The following ANKDD1A variants were observed in gnomAD, a reference collection of about 807,000 sequenced individuals.
The protein encoded by ANKDD1A is ankyrin repeat and death domain containing 1A.
ANKDD1A carries 59 observed loss-of-function variants against 63.5 expected under a neutral mutation model. The ratio of observed to expected loss-of-function variants is 0.93; its 90% CI spans 0.75 to 1.15. The LOEUF is 1.15. Among genes scored for constraint, ANKDD1A ranks in the 50% most tolerant of loss-of-function variants. The pLI is 0.00. For synonymous variants in ANKDD1A, 266 were observed against 263.9 expected, an observed-to-expected ratio of 1.01 and a Z score of -0.08; for missense variants, 632 against 656.4, an observed-to-expected ratio of 0.96 and a Z score of 0.41.
chr15:64,957,012 T>G lies in ANKDD1A; in HGVS notation c.1484-91T>G, dbSNP rs16948431. ...TAACATATATGTTGCGAGCTAAATG[T>G]ATGCTCTTACTCTAAATCTTTCTGA... On this transcript the variant is annotated intron_variant, in intron 14 of 14. Coordinates refer to ENST00000319580, the MANE Select transcript of ANKDD1A (RefSeq NM_182703.6). 0.021 allele frequency: 9,207 copies of G among 430,480 alleles called. 443 individuals carry two copies. The East Asian group carries it at 0.23, about 11-fold the overall frequency. 26.7% of individuals were successfully genotyped at this position (430,480 alleles called of 1,614,324 possible).
intron 14 of ANKDD1A, among the ~76,000 whole-genome samples, chr15:64,951,907 C>T (rs1442909170): frequency 1.6e-4 from 22 of 134,614 alleles, no homozygotes; most frequent in Non-Finnish European, 3.0e-4. Flanking sequence ...CTTTTCTCTT[C>T]GTCCTCTTGT....
intron 3 of ANKDD1A, 72 bp downstream of exon 3, chr15:64,917,586 G>C (rs2084978700): frequency 6.7e-7 from 1 of 1,502,694 alleles, no homozygotes; most frequent in Non-Finnish European, 9.0e-7. Flanking sequence ...CTATGAGCCA[G>C]TTGCCGAGAT....
At chr15:64,913,611 A>C (rs1018070454) in intron 1 of ANKDD1A, among the ~76,000 whole-genome samples, 14 of 151,984 alleles carry the variant, frequency 9.2e-5, no homozygotes, top group African/African-American at 3.4e-4. Flanking sequence ...CAGGGTAGCA[A>C]CTCTGAGATC....
chr15:64,934,086 T>C lies in ANKDD1A; in HGVS notation c.769-50T>C, dbSNP rs201764701. ...TGAATCTCGAAGAGCTTTGCAAACC[T>C]CAGTAGGAGGGGTCCTTGTGATAAC... is the stretch of plus-strand genomic sequence containing the variant. On this transcript the variant is annotated intron_variant, in intron 8 of 14. Coordinates refer to ENST00000319580, the MANE Select transcript of ANKDD1A (RefSeq NM_182703.6). 325 of 1,491,998 alleles carry C rather than the reference T, an allele frequency of 2.2e-4. 3 individuals are homozygous for C. The South Asian group carries it at 2.7e-3, about 12-fold the overall frequency. The allele number at this position is 1,491,998 out of a possible 1,614,324, so 92.4% of individuals were successfully genotyped here.
chr15:64,951,704 TTA>T (rs1409731680), intron 14 of ANKDD1A, among the ~76,000 whole-genome samples: 3 of 95,396 alleles, frequency 3.1e-5, no homozygotes, highest in Middle Eastern at 4.7e-3. Flanking sequence ...TTCTTCTTCC[TTA>T]TTTTCTTTTT....
At chr15:64,913,744 C>T (rs2084949145) in intron 1 of ANKDD1A, among the ~76,000 whole-genome samples, 1 of 152,212 alleles carries the variant, frequency 6.6e-6, no homozygotes, top group African/African-American at 2.4e-5. Context: ...CTCAGTGCAT[C>T]TTAGCCTTCC....
In ANKDD1A at chr15:64,947,490, G is replaced by A. The variant is rs753435218; in HGVS notation, c.1248G>A (p.Trp416Ter). Reference sequence around the variant, plus strand: ...CACAGCAGCTCCGTTCTGTGCTGTGGCGGCTGGCCTCCAGGTATCTGCAGC... The same window carrying A: ...CACAGCAGCTCCGTTCTGTGCTGTGACGGCTGGCCTCCAGGTATCTGCAGC... ...QETQQLRSVL[W>*]RLASRYLQPR... The change falls in exon 13 of 15, where the codon TGG becomes TGA. Residue 416 changes from tryptophan to a stop codon, truncating the protein, a stop_gained. Transcript: ENST00000319580. LOFTEE classifies it high-confidence loss of function. The A allele has an allele frequency of 2.5e-6, 4 of 1,613,882 alleles. No individual in the cohort carries two copies. The South Asian group carries it at 4.4e-5, about 18-fold the overall frequency.
At chr15:64,940,551 G>C (rs1285078547) in intron 9 of ANKDD1A, among the ~76,000 whole-genome samples, 1 of 151,974 alleles carries the variant, frequency 6.6e-6, no homozygotes, top group African/African-American at 2.4e-5. Context: ...TCCTGCCTCA[G>C]CCTCCCGAGT....
chr15:64,940,493 C>G (rs1039196963), intron 9 of ANKDD1A, among the ~76,000 whole-genome samples: 1 of 151,036 alleles, frequency 6.6e-6, no homozygotes, highest in Non-Finnish European at 1.5e-5. Context: ...AGTGCAGTGG[C>G]GTGATCTTGG....
chr15:64,945,607 C>CATATATATATATATATATATAT (rs61390435), intron 12 of ANKDD1A, among the ~76,000 whole-genome samples: 2,502 of 72,524 alleles, frequency 0.034, 218 homozygotes, highest in East Asian at 0.048. Flanking sequence ...GCATTTTCAA[C>CATATATATATATATATATATAT]ATATATATAT....
chr15:64,955,642 C>A (rs1471829414), intron 14 of ANKDD1A, among the ~76,000 whole-genome samples: 1 of 152,166 alleles, frequency 6.6e-6, no homozygotes, highest in East Asian at 1.9e-4. Context: ...TTTGAGCTCT[C>A]CTTCATGTGG....
chr15:64,930,259 T>A (rs1374800236), intron 6 of ANKDD1A, among the ~76,000 whole-genome samples: 5 of 145,068 alleles, frequency 3.4e-5, no homozygotes, highest in South Asian at 4.3e-4. Context: ...AAAGTAAAAT[T>A]AAAAAAAAAA....
chr15:64,918,250 A>G (rs2084984464), intron 3 of ANKDD1A, among the ~76,000 whole-genome samples: 1 of 152,228 alleles, frequency 6.6e-6, no homozygotes, highest in Non-Finnish European at 1.5e-5. Flanking sequence ...TAAATACATA[A>G]ATAGATAAAA....
chr15:64,946,418 C>T (rs2085223453), intron 12 of ANKDD1A, among the ~76,000 whole-genome samples: 1 of 152,100 alleles, frequency 6.6e-6, no homozygotes, highest in Non-Finnish European at 1.5e-5. Context: ...TGCTAGATTC[C>T]CTTAAACATG....
intron 9 of ANKDD1A, 80 bp from the exon 10 acceptor site, chr15:64,942,387 C>T: frequency 8.9e-7 from 1 of 1,118,692 alleles, no homozygotes; most frequent in Non-Finnish European, 1.3e-6. Context: ...ACTCTTCCCT[C>T]CTCCTGTCCC....
chr15:64,943,555 T>C lies in ANKDD1A; in HGVS notation c.1038T>C (p.Ala346=). 1 of 1,614,196 alleles carries C rather than the reference T, an allele frequency of 6.2e-7. No individual in the cohort carries two copies. Among genetic ancestry groups the C allele is most frequent in the South Asian group, 1.1e-5 (1 of 91,090 alleles). The stretch of plus-strand genomic sequence containing the variant: ...ACATAGCAGATATGCTCCTCATTGC[T>C]GGGGTTGACTTAAACCTGAGAGATA... ...WQDIADMLLI[A]GVDLNLRDKQ... Residue 346 remains alanine (A), a synonymous_variant, in exon 11 of 15, where the codon GCT becomes GCC. Transcript: ENST00000319580.
intron 14 of ANKDD1A, among the ~76,000 whole-genome samples, chr15:64,954,432 CG>C (rs2085385414): frequency 3.6e-5 from 5 of 139,318 alleles, no homozygotes; most frequent in East Asian, 4.2e-4. Flanking sequence ...CTCCTTCGTT[CG>C]TCGTCTTCTC....
At chr15:64,955,501 G>C (rs1595862122) in intron 14 of ANKDD1A, among the ~76,000 whole-genome samples, 1 of 152,194 alleles carries the variant, frequency 6.6e-6, no homozygotes, top group Non-Finnish European at 1.5e-5. Flanking sequence ...AGCTTGTTCT[G>C]GGGCTTGGCT....
chr15:64,952,673 T>C (rs1233061811), intron 14 of ANKDD1A, among the ~76,000 whole-genome samples: 7 of 56,334 alleles, frequency 1.2e-4, no homozygotes, highest in Admixed American at 4.2e-4. Flanking sequence ...CCTTCTTCCT[T>C]CTTCTTCTTC....
Sources: gnomAD v4.1 joint callset for allele counts (sites outside exome capture counted in the v4.1 genomes callset) on GRCh38, gnomAD v4.1.1 for gene constraint, MANE v1.5 for transcripts, NCBI Gene and HGNC (gene_info 2026-07-23, HGNC 2026-07-21) for gene names.